Variants in ATP9B observed in about 807,000 individuals in gnomAD.
The protein encoded by ATP9B is probable phospholipid-transporting ATPase IIB.
In ATP9B, 110 loss-of-function variants were observed where a neutral mutation model predicts 146.1. The ratio of observed to expected loss-of-function variants is 0.75; its 90% CI spans 0.65 to 0.88. The LOEUF (loss-of-function observed/expected upper bound fraction) is 0.88. Among genes scored for constraint, ATP9B ranks in the 40% least tolerant of loss-of-function variants. The pLI, the probability that ATP9B is intolerant of heterozygous loss-of-function variation, is 0.00. For missense variants in ATP9B, 1,499 were observed against 1,496.4 expected, an observed-to-expected ratio of 1.00 and a Z score of -0.03; for synonymous variants, 604 against 569.7, an observed-to-expected ratio of 1.06 and a Z score of -0.86.
chr18:79,340,653 G>GTTA (rs2096853236), intron 19 of ATP9B, among the ~76,000 whole-genome samples: 1 of 151,998 alleles, frequency 6.6e-6, no homozygotes, highest in Admixed American at 6.6e-5. Context: ...GTTCTTTGCT[G>GTTA]TTATATATAT....
intron 1 of ATP9B, among the ~76,000 whole-genome samples, chr18:79,069,995 A>G (rs1474587105): frequency 1.3e-5 from 2 of 152,200 alleles, no homozygotes; most frequent in Non-Finnish European, 2.9e-5. Flanking sequence ...TATCTTTGCT[A>G]GGCACACTTT....
intron 4 of ATP9B, among the ~76,000 whole-genome samples, chr18:79,119,125 A>G (rs2094145459): frequency 1.3e-5 from 2 of 152,048 alleles, no homozygotes; most frequent in Admixed American, 6.6e-5. Context: ...AACTTAAACA[A>G]TGATGGTCTG....
intron 11 of ATP9B, among the ~76,000 whole-genome samples, chr18:79,227,747 T>C (rs2095751146): frequency 1.3e-5 from 2 of 152,202 alleles, no homozygotes; most frequent in South Asian, 4.1e-4. Flanking sequence ...AGCCCAGCAC[T>C]TGTTTCTGTG....
chr18:79,263,887 A>C (rs2096172233), intron 12 of ATP9B, among the ~76,000 whole-genome samples: 1 of 152,214 alleles, frequency 6.6e-6, no homozygotes, highest in Non-Finnish European at 1.5e-5. Context: ...GATCGAGACC[A>C]TCCTGGCTAA....
At chr18:79,120,669 A>G (rs941688182) in intron 4 of ATP9B, among the ~76,000 whole-genome samples, 3 of 152,354 alleles carry the variant, frequency 2.0e-5, no homozygotes, top group African/African-American at 7.2e-5. Context: ...GCTTCTATCA[A>G]AATGAACGAG....
chr18:79,245,800 A>G (rs1338170950), intron 11 of ATP9B, among the ~76,000 whole-genome samples: 2 of 133,752 alleles, frequency 1.5e-5, no homozygotes, highest in South Asian at 5.0e-4. Flanking sequence ...CTACTGACTG[A>G]GGAGGGTACC....
intron 3 of ATP9B, among the ~76,000 whole-genome samples, chr18:79,112,532 A>G (rs937882512): frequency 6.6e-6 from 1 of 152,168 alleles, no homozygotes. Context: ...AAATATTATT[A>G]AGAATTAACT....
At chr18:79,309,395 G>A (rs760423051) in intron 15 of ATP9B, among the ~76,000 whole-genome samples, 2,336 of 120,676 alleles carry the variant, frequency 0.019, 2 homozygotes, top group African/African-American at 0.048. Flanking sequence ...GGTCAGGGGC[G>A]GAGGAGTGAT....
intron 26 of ATP9B, among the ~76,000 whole-genome samples, chr18:79,369,606 A>AT (rs1174068063): frequency 6.6e-6 from 1 of 151,378 alleles, no homozygotes; most frequent in Non-Finnish European, 1.5e-5. Flanking sequence ...TATAATAGAG[A>AT]TAAAAGTGGT....
At chr18:79,302,915 C>T (rs2096600516) in intron 13 of ATP9B, among the ~76,000 whole-genome samples, 1 of 152,154 alleles carries the variant, frequency 6.6e-6, no homozygotes, top group Non-Finnish European at 1.5e-5. Context: ...ATGTCTTTCT[C>T]AGGCAGTGTT....
At chr18:79,082,550 C>T (rs2073378467) in intron 1 of ATP9B, among the ~76,000 whole-genome samples, 2 of 152,164 alleles carry the variant, frequency 1.3e-5, no homozygotes, top group Non-Finnish European at 2.9e-5. Context: ...ATTTATCTGC[C>T]TTTGGTCTTT....
intron 10 of ATP9B, among the ~76,000 whole-genome samples, chr18:79,211,428 T>G (rs1449965528): frequency 1.3e-5 from 2 of 152,230 alleles, no homozygotes; most frequent in Non-Finnish European, 2.9e-5. Flanking sequence ...GGTTGGACTA[T>G]AGAATGACTT....
At chr18:79,212,219 A>C (rs777115045) in intron 10 of ATP9B, among the ~76,000 whole-genome samples, 1 of 152,256 alleles carries the variant, frequency 6.6e-6, no homozygotes, top group Admixed American at 6.5e-5. Flanking sequence ...AGAAAAATTC[A>C]TTTAATCTAA....
In ATP9B at chr18:79,099,235, T is replaced by C. The variant is rs201323998; in HGVS notation, c.293+2586T>C. The stretch of plus-strand genomic sequence containing the variant: ...TTCTTTTCTTTTTTCTTTCTTTTCT[T>C]TTCTTGAGACGGAGTCTTGCTTTGT... On this transcript the variant is annotated intron_variant, in intron 2 of 29. Transcript: ENST00000426216. Among the ~76,000 whole-genome samples, 6 of 152,332 alleles carry C rather than the reference T, an allele frequency of 3.9e-5. No individual in the cohort carries two copies. In the East Asian group the frequency reaches 1.2e-3, roughly 29 times the overall value.
intron 7 of ATP9B, among the ~76,000 whole-genome samples, chr18:79,174,808 T>C (rs773453080): frequency 3.3e-5 from 5 of 152,174 alleles, no homozygotes; most frequent in African/African-American, 4.8e-5. Context: ...ATAGCAATGC[T>C]CCTGTATAGT....
chr18:79,241,719 G>A (rs769087478), intron 11 of ATP9B, among the ~76,000 whole-genome samples: 4 of 152,232 alleles, frequency 2.6e-5, no homozygotes, highest in Non-Finnish European at 4.4e-5. Context: ...TTTAGAATAA[G>A]TGCACTCTAA....
At chr18:79,092,797 C>G (rs2074453091) in intron 1 of ATP9B, among the ~76,000 whole-genome samples, 1 of 152,018 alleles carries the variant, frequency 6.6e-6, no homozygotes, top group Admixed American at 6.6e-5. Flanking sequence ...CCTGTGTTAA[C>G]AGTGTCTTCT....
chr18:79,260,125 A>C (rs1311599893), intron 12 of ATP9B, among the ~76,000 whole-genome samples: 1 of 152,204 alleles, frequency 6.6e-6, no homozygotes, highest in Non-Finnish European at 1.5e-5. Flanking sequence ...TGAAGATACT[A>C]TACTAGACTG....
rs142254715 is a variant in ATP9B, at chr18:79,278,813, A to T, written c.1411+1617A>T. Among the ~76,000 whole-genome samples, 55 of 152,150 alleles carry T rather than the reference A, an allele frequency of 3.6e-4. 1 individual carries two copies. The East Asian group carries it at 0.01, about 28-fold the overall frequency. ...AAGAGTGTTAGGATTTTCCCTTCCC[A>T]ACCTCATGAAGCCTACAGAAAAATG... On this transcript the variant is annotated intron_variant, in intron 13 of 29. Transcript: ENST00000426216.
Sources: allele counts gnomAD v4.1 joint callset (sites outside exome capture counted in the v4.1 genomes callset), GRCh38; gene constraint gnomAD v4.1.1; transcripts MANE v1.5; gene names NCBI Gene and HGNC (gene_info 2026-07-23, HGNC 2026-07-21).